ANKRA2: variants seen among roughly 807,000 people sequenced by gnomAD.
ANKRA2 encodes ankyrin repeat family A member 2.
ANKRA2 carries 33 observed loss-of-function variants against 37.8 expected under a neutral mutation model. The ratio of observed to expected loss-of-function variants is 0.87; its 90% confidence interval spans 0.66 to 1.17. The LOEUF (loss-of-function observed/expected upper bound fraction) is 1.17, where lower values mean the gene tolerates loss of function less well. ANKRA2 is among the 50% of genes most tolerant of loss of function. ANKRA2 has a pLI of 0.00. For synonymous variants in ANKRA2, 126 were observed against 132.3 expected, an observed-to-expected ratio of 0.95 and a Z score of 0.33; for missense variants, 326 against 373.7, an observed-to-expected ratio of 0.87 and a Z score of 1.05.
chr5:73,562,178 G>A (rs145752171), intron 2 of ANKRA2, among the ~76,000 whole-genome samples: 4,182 of 151,926 alleles, frequency 0.028, 190 homozygotes, highest in African/African-American at 0.095. Context: ...CACCATACCC[G>A]GCTAATTTTT....
intron 4 of ANKRA2, 98 bp from the exon 5 acceptor site, chr5:73,555,683 C>T: frequency 9.7e-7 from 1 of 1,035,604 alleles, no homozygotes; most frequent in Non-Finnish European, 1.4e-6. Context: ...TTATAATACT[C>T]AGTAAAGTTC....
intron 3 of ANKRA2, among the ~76,000 whole-genome samples, chr5:73,558,444 G>A (rs1327224558): frequency 6.6e-6 from 1 of 152,104 alleles, no homozygotes; most frequent in African/African-American, 2.4e-5. Context: ...ACCCCATTGT[G>A]GTCTTAAATA....
At chr5:73,560,917 T>G (rs1747534939) in intron 3 of ANKRA2, among the ~76,000 whole-genome samples, 5 of 152,248 alleles carry the variant, frequency 3.3e-5, no homozygotes, top group Admixed American at 2.6e-4. Flanking sequence ...TATGCCTGAC[T>G]TATTTCACTT....
chr5:73,563,849 G>A (rs1283098672), intron 1 of ANKRA2, among the ~76,000 whole-genome samples: 1 of 152,160 alleles, frequency 6.6e-6, no homozygotes, highest in Non-Finnish European at 1.5e-5. Flanking sequence ...TGGAGCAAGG[G>A]TCGCGAAACC....
intron 8 of ANKRA2, 119 bp downstream of exon 8, chr5:73,553,287 A>G: frequency 1.4e-6 from 1 of 702,438 alleles, no homozygotes; most frequent in East Asian, 2.8e-5. Flanking sequence ...TTAAAAGTAT[A>G]TGTCAGGAGT....
Position 73,563,245 on chromosome 5 carries a change from T to C in ANKRA2, c.-104-260A>G, listed in dbSNP as rs1028998635. On this transcript the variant is annotated intron_variant, in intron 1 of 8. Coordinates refer to ENST00000296785, the MANE Select transcript of ANKRA2 (RefSeq NM_023039.5). ...AATAGGGATATCACCATTAACCTTA[T>C]AGGGTTCTGGTAAAGACCAAATGAA... Among the ~76,000 whole-genome samples, 7 of 152,232 alleles carry C rather than the reference T, an allele frequency of 4.6e-5. No homozygotes were observed. The South Asian group carries it at 1.0e-3, about 22-fold the overall frequency.
intron 2 of ANKRA2, among the ~76,000 whole-genome samples, chr5:73,561,750 G>A (rs529066479): frequency 4.0e-5 from 6 of 151,854 alleles, no homozygotes; most frequent in Non-Finnish European, 8.8e-5. Flanking sequence ...CTGGGTGACA[G>A]AGAGAGGCTC....
Position 73,552,271 on chromosome 5 carries a change from T to G in ANKRA2, c.*526A>C, listed in dbSNP as rs1002078394. On this transcript the variant is annotated 3_prime_UTR_variant, in exon 9 of 9. Transcript: ENST00000296785. ...GAAGTGTTACGGCAGGACAGAAGGGTGAAATTAAAAATCTGAAAGAAATCT... is the reference window on the plus strand; with the variant it reads ...GAAGTGTTACGGCAGGACAGAAGGGGGAAATTAAAAATCTGAAAGAAATCT... 6 of 152,650 alleles carry G rather than the reference T, an allele frequency of 3.9e-5. No individual in the cohort carries two copies. The allele number at this position is 152,650 out of a possible 1,614,324, so 9.5% of individuals were successfully genotyped here.
intron 3 of ANKRA2, among the ~76,000 whole-genome samples, chr5:73,558,685 T>G (rs1246414970): frequency 2.1e-4 from 32 of 152,122 alleles, no homozygotes; most frequent in Non-Finnish European, 1.5e-4. Context: ...TACAGGTGGG[T>G]GCCACCACAT....
At chr5:73,560,036 T>C (rs754904772) in intron 3 of ANKRA2, among the ~76,000 whole-genome samples, 2 of 152,140 alleles carry the variant, frequency 1.3e-5, no homozygotes, top group Admixed American at 6.5e-5. Flanking sequence ...AGTGCTGGGA[T>C]TACAGGTGTG....
chr5:73,557,478 G>A, intron 4 of ANKRA2, 97 bp downstream of exon 4: 1 of 409,572 alleles, frequency 2.4e-6, no homozygotes, highest in African/African-American at 4.6e-5. Context: ...GTAACTATTT[G>A]TTTTTGTCTT....
At position 73,552,799 on chromosome 5, in the gene ANKRA2, A is replaced by C. The variant is rs771736623; in HGVS notation, c.940T>G (p.Ter314GluextTer25). The C allele has an allele frequency of 1.2e-6, 2 of 1,601,436 alleles. No homozygotes were observed. Among genetic ancestry groups the C allele is most frequent in the Non-Finnish European group, 1.7e-6 (2 of 1,169,840 alleles). The change falls in exon 9 of 9, where the codon TAG (stop) becomes GAG (glutamate). Residue 314 changes from the stop codon to glutamate, a stop_lost. Coordinates refer to ENST00000296785, the MANE Select transcript of ANKRA2 (RefSeq NM_023039.5). ...CAGACATTTTCTGATGACTGTGTCT[A>C]CTCCTTGATATTTTGAAGCAGCTTC... ...LLKLLQNIKE[*>E]
intron 4 of ANKRA2, among the ~76,000 whole-genome samples, chr5:73,555,788 G>A (rs952577772): frequency 2.0e-5 from 3 of 152,082 alleles, no homozygotes; most frequent in Admixed American, 2.0e-4. Flanking sequence ...GTACATAGCC[G>A]GGTTCAGATA....
At position 73,561,234 on chromosome 5, in the gene ANKRA2, T is replaced by C. The variant is rs750699387; in HGVS notation, c.344A>G (p.Tyr115Cys). The change falls in exon 3 of 9, where the codon TAC becomes TGC. Residue 115 changes from tyrosine (Y) to cysteine (C), a missense_variant. Physicochemically the swap from Tyr to Cys is radical, Grantham distance 194. Around this residue, in one of 3 missense-constraint regions of ANKRA2, gnomAD observed 228 missense variants for 260.2 expected, o/e 0.88. Transcript: ENST00000296785. ...GAAATGCTTTGTTGTAGAGGGGGTG[T>C]AGACATGCCTTACTTGAATTCCCGG... Reference protein sequence around the residue: ...PSPGIQVRHVYTPSTTKHFSP... With the variant: ...PSPGIQVRHVCTPSTTKHFSP... The C allele has an allele frequency of 6.2e-7, 1 of 1,613,316 alleles. No individual in the cohort carries two copies. Among genetic ancestry groups the C allele is most frequent in the South Asian group, 1.1e-5 (1 of 91,060 alleles).
In ANKRA2 at chr5:73,561,265, G is replaced by A. The variant is rs753992199; in HGVS notation, c.313C>T (p.Pro105Ser). 6.2e-7 allele frequency: 1 copy of A among 1,613,164 alleles called. No homozygotes were observed. The highest frequency in any genetic ancestry group is 2.2e-5 in the East Asian group (1 of 44,846). Residue 105 changes from proline to serine, a missense_variant, in exon 3 of 9, where the codon CCT (proline) becomes TCT (serine). By Grantham distance (74) the Pro-to-Ser change is moderately conservative (BLOSUM62 -1). Around this residue, in one of 3 missense-constraint regions of ANKRA2, gnomAD observed 228 missense variants for 260.2 expected, o/e 0.88. Coordinates refer to ENST00000296785, the MANE Select transcript of ANKRA2 (RefSeq NM_023039.5). ...FKAECNIHTS[P>S]SPGIQVRHVY... ...TGCCTTACTTGAATTCCCGGAGAAG[G>A]AGATGTATGGATATTGCATTCAGCT...
At chr5:73,562,380 G>T in intron 2 of ANKRA2, 2 of 439,640 alleles carry the variant, frequency 4.5e-6, no homozygotes, top group African/African-American at 2.0e-5. Context: ...TATTAAACAA[G>T]AAGTTTTTAA....
At chr5:73,554,784 A>T (rs1026795676) in intron 6 of ANKRA2, 77 bp downstream of exon 6, 4 of 1,496,922 alleles carry the variant, frequency 2.7e-6, no homozygotes, top group Non-Finnish European at 2.7e-6. Flanking sequence ...CTTTAATAAA[A>T]CTTACTGCAT....
Position 73,552,714 on chromosome 5 carries a change from G to A in ANKRA2, c.*83C>T. 6.1e-6 allele frequency: 8 copies of A among 1,321,332 alleles called. No homozygotes were observed. The highest frequency in any genetic ancestry group is 3.9e-5 in the South Asian group (3 of 77,224). The allele number at this position is 1,321,332 out of a possible 1,614,324, so 81.9% of individuals were successfully genotyped here. A position where few individuals can be genotyped will look rare whatever the true frequency, so the allele number is the denominator to read the frequency against. On this transcript the variant is annotated 3_prime_UTR_variant, in exon 9 of 9. Coordinates refer to ENST00000296785, the MANE Select transcript of ANKRA2 (RefSeq NM_023039.5). ...AAAACCAGTAAATATTGCAACTGAG[G>A]TAAAAATTTATAAGTAAACAAAACT...
intron 5 of ANKRA2, 135 bp downstream of exon 5, chr5:73,555,353 A>G (rs1747370365): frequency 1.4e-6 from 2 of 1,391,450 alleles, no homozygotes; most frequent in African/African-American, 2.9e-5. Flanking sequence ...TCCAAGTTCC[A>G]CAAGAATATG....
Sources: gnomAD v4.1 joint callset for allele counts (sites outside exome capture counted in the v4.1 genomes callset) on GRCh38, gnomAD v4.1.1 for gene constraint, gnomAD v4.1.1 regional missense constraint, MANE v1.5 for transcripts, NCBI Gene and HGNC (gene_info 2026-07-23, HGNC 2026-07-21) for gene names.